The following INPP4B variants were observed in gnomAD, a reference collection of about 807,000 sequenced individuals.
The protein encoded by INPP4B is inositol polyphosphate-4-phosphatase type II B.
In INPP4B, 55 loss-of-function variants were observed where a neutral mutation model predicts 122.5. The observed-to-expected ratio is 0.45, with a 90% confidence interval of 0.36 to 0.56. The LOEUF (loss-of-function observed/expected upper bound fraction) is 0.56, where lower values mean the gene tolerates loss of function less well. INPP4B is among the 20% of genes least tolerant of loss of function. INPP4B has a pLI of 0.00. For synonymous variants in INPP4B, 403 were observed against 388.7 expected (o/e 1.04, Z -0.43); for missense variants, 1,000 against 1,097.7 (o/e 0.91, Z 1.26).
intron 8 of INPP4B, 93 bp downstream of exon 8, chr4:142,314,615 TTTTA>T (rs1289856225): frequency 1.5e-4 from 172 of 1,152,696 alleles, no homozygotes; most frequent in Middle Eastern, 2.2e-4. Context: ...TGTAATTCAA[TTTTA>T]TTTGTCAGTT....
intron 2 of INPP4B, among the ~76,000 whole-genome samples, chr4:142,619,000 C>T (rs557463549): frequency 6.6e-6 from 1 of 151,976 alleles, no homozygotes; most frequent in Non-Finnish European, 1.5e-5. Flanking sequence ...CCCAACATCA[C>T]TCATCACCAG....
chr4:142,637,975 C>T (rs1030441443), intron 2 of INPP4B, among the ~76,000 whole-genome samples: 2 of 152,174 alleles, frequency 1.3e-5, no homozygotes, highest in Admixed American at 6.6e-5. Flanking sequence ...TATATGCTTA[C>T]ATGCCATCTA....
intron 12 of INPP4B, among the ~76,000 whole-genome samples, chr4:142,220,185 C>G (rs1848812765): frequency 6.6e-6 from 1 of 152,058 alleles, no homozygotes; most frequent in Admixed American, 6.6e-5. Context: ...ATCCTGTTAT[C>G]TTTTTTATTT....
intron 12 of INPP4B, among the ~76,000 whole-genome samples, chr4:142,229,357 G>A (rs976899089): frequency 2.6e-5 from 4 of 152,006 alleles, no homozygotes. Context: ...AAAGTATTTA[G>A]ATTCCTATAT....
At chr4:142,234,663 C>T (rs1330000153) in intron 12 of INPP4B, among the ~76,000 whole-genome samples, 6 of 152,218 alleles carry the variant, frequency 3.9e-5, no homozygotes, top group African/African-American at 1.4e-4. Context: ...ACTATACAGC[C>T]TGGTCATCAT....
chr4:142,386,198 T>C (rs892632332), intron 7 of INPP4B, among the ~76,000 whole-genome samples: 6 of 152,136 alleles, frequency 3.9e-5, no homozygotes, highest in Non-Finnish European at 5.9e-5. Context: ...TTGTCACAGA[T>C]GACAGAATTT....
intron 3 of INPP4B, among the ~76,000 whole-genome samples, chr4:142,453,622 T>C (rs1315025093): frequency 6.6e-6 from 1 of 152,126 alleles, no homozygotes; most frequent in African/African-American, 2.4e-5. Context: ...CTGCAAAGAA[T>C]ATAATATGAC....
At chr4:142,549,633 CTG>C (rs769859919) in intron 2 of INPP4B, among the ~76,000 whole-genome samples, 2 of 152,166 alleles carry the variant, frequency 1.3e-5, no homozygotes, top group Admixed American at 6.6e-5. Flanking sequence ...GGGGCAGAGA[CTG>C]TGTGCCTTTT....
At chr4:142,129,475 A>G (rs1448868044) in intron 18 of INPP4B, among the ~76,000 whole-genome samples, 1 of 152,224 alleles carries the variant, frequency 6.6e-6, no homozygotes, top group Non-Finnish European at 1.5e-5. Flanking sequence ...TTTCTTCTGC[A>G]GACACTTTAT....
intron 16 of INPP4B, among the ~76,000 whole-genome samples, chr4:142,161,570 G>A (rs1336582439): frequency 2.0e-5 from 3 of 151,770 alleles, no homozygotes; most frequent in Non-Finnish European, 4.4e-5. Flanking sequence ...CTTCACCATT[G>A]ATATAACTCA....
intron 25 of INPP4B, among the ~76,000 whole-genome samples, chr4:142,062,338 C>T (rs746776908): frequency 3.9e-5 from 6 of 152,034 alleles, no homozygotes; most frequent in Non-Finnish European, 8.8e-5. Context: ...AATCACAGAG[C>T]TTTCATATTA....
intron 14 of INPP4B, among the ~76,000 whole-genome samples, chr4:142,199,556 GT>G (rs1222348903): frequency 6.6e-6 from 1 of 151,986 alleles, no homozygotes; most frequent in Admixed American, 6.6e-5. Context: ...ATTCAGGTTG[GT>G]TTTTCCACTC....
In INPP4B at chr4:142,161,432, T is replaced by C. The variant is rs574005220; in HGVS notation, c.1360-871A>G. Among the ~76,000 whole-genome samples the C allele has an allele frequency of 3.3e-5, 5 of 152,108 alleles. No individual in the cohort carries two copies. In the South Asian group the frequency reaches 6.2e-4, roughly 19 times the overall value. On this transcript the variant is annotated intron_variant, in intron 16 of 25. Transcript: ENST00000262992. ...TCAAAGAGTAGAGATGTAAGTCAAG[T>C]AATGGCCCATATTGTTAACATATTC...
chr4:142,081,218 T>C (rs1319195758), intron 25 of INPP4B, among the ~76,000 whole-genome samples: 1 of 152,202 alleles, frequency 6.6e-6, no homozygotes, highest in African/African-American at 2.4e-5. Context: ...CAGTGAATCA[T>C]ATGACATTCC....
chr4:142,347,376 G>C, intron 7 of INPP4B: 1 of 269,774 alleles, frequency 3.7e-6, no homozygotes, highest in South Asian at 3.6e-5. Flanking sequence ...CCAATTACCT[G>C]ATTATTATTT....
intron 13 of INPP4B, 77 bp downstream of exon 13, chr4:142,208,819 T>G: frequency 8.9e-7 from 1 of 1,123,000 alleles, no homozygotes; most frequent in Non-Finnish European, 1.2e-6. Flanking sequence ...ACATAAAATC[T>G]ATTTATTATT....
chr4:142,711,345 A>G (rs1763097575), intron 2 of INPP4B, among the ~76,000 whole-genome samples: 1 of 152,124 alleles, frequency 6.6e-6, no homozygotes, highest in Admixed American at 6.5e-5. Context: ...AGAATACTTT[A>G]TACTTATTTG....
chr4:142,618,874 A>T, intron 2 of INPP4B, among the ~76,000 whole-genome samples: 1 of 151,542 alleles, frequency 6.6e-6, no homozygotes, highest in Non-Finnish European at 1.5e-5. Context: ...ACTCAATGGC[A>T]AAATAAATAA....
chr4:142,732,259 A>G (rs963220526), intron 1 of INPP4B, among the ~76,000 whole-genome samples: 8 of 152,176 alleles, frequency 5.3e-5, no homozygotes, highest in Non-Finnish European at 1.0e-4. Context: ...GCATCTACTC[A>G]CATGCTGATG....
Sources: gnomAD v4.1 joint callset for allele counts (sites outside exome capture counted in the v4.1 genomes callset) on GRCh38, gnomAD v4.1.1 for gene constraint, MANE v1.5 for transcripts, NCBI Gene and HGNC (gene_info 2026-07-23, HGNC 2026-07-21) for gene names.